The following LRGUK variants were observed in gnomAD, a reference collection of about 807,000 sequenced individuals.
LRGUK encodes the protein leucine-rich repeat and guanylate kinase domain-containing protein.
Under a neutral mutation model 76.0 loss-of-function variants are expected in LRGUK, and 65 were observed. That is an observed-to-expected ratio of 0.85 (90% CI 0.70 to 1.05). LRGUK has a LOEUF of 1.05. Ranked by LOEUF, LRGUK falls within the 50% of genes least tolerant of loss-of-function variation. LRGUK has a pLI of 0.00. For missense variants in LRGUK, 758 were observed against 732.8 expected (o/e 1.03, Z -0.40); for synonymous variants, 268 against 265.6 (o/e 1.01, Z -0.09).
At chr7:134,207,729 G>T (rs1222412) in intron 15 of LRGUK, among the ~76,000 whole-genome samples, 144,258 of 152,198 alleles carry the variant, frequency 0.95, 68,626 homozygotes, top group Non-Finnish European at 0.99. Flanking sequence ...GGTTGGAGTC[G>T]CTGAGTATCA....
intron 7 of LRGUK, among the ~76,000 whole-genome samples, chr7:134,168,860 A>G (rs887531367): frequency 1.3e-5 from 2 of 152,036 alleles, no homozygotes; most frequent in Admixed American, 1.3e-4. Context: ...CCATTCCAAC[A>G]GCAGGGTGGG....
intron 7 of LRGUK, among the ~76,000 whole-genome samples, chr7:134,164,285 G>T (rs1798878877): frequency 6.6e-6 from 1 of 152,062 alleles, no homozygotes; most frequent in South Asian, 2.1e-4. Context: ...AAATACCCTA[G>T]GAAAGGCTTA....
chr7:134,159,551 G>A (rs56704492), intron 6 of LRGUK, among the ~76,000 whole-genome samples: 19,749 of 152,158 alleles, frequency 0.13, 1,622 homozygotes, highest in East Asian at 0.32. Context: ...AGCACTTTGG[G>A]AGGCTAAGGC....
intron 10 of LRGUK, among the ~76,000 whole-genome samples, chr7:134,181,933 A>T (rs1799769604): frequency 6.6e-6 from 1 of 152,180 alleles, no homozygotes; most frequent in African/African-American, 2.4e-5. Context: ...GCACCACTAC[A>T]GTCAAGATAT....
At chr7:134,253,638 A>G (rs1193757155) in intron 18 of LRGUK, among the ~76,000 whole-genome samples, 1 of 152,156 alleles carries the variant, frequency 6.6e-6, no homozygotes, top group Non-Finnish European at 1.5e-5. Context: ...AACATGGCAA[A>G]AACCCATCTC....
intron 19 of LRGUK, among the ~76,000 whole-genome samples, chr7:134,263,275 A>C (rs936555242): frequency 7.7e-6 from 1 of 130,572 alleles, no homozygotes; most frequent in Non-Finnish European, 1.8e-5. Flanking sequence ...TTTCCTCTCT[A>C]TCTTCTAAAC....
At chr7:134,203,772 T>TGG (rs1800886807) in intron 15 of LRGUK, among the ~76,000 whole-genome samples, 1 of 152,194 alleles carries the variant, frequency 6.6e-6, no homozygotes, top group Admixed American at 6.5e-5. Context: ...TCAGAATCTC[T>TGG]GCACTGGGCG....
At chr7:134,237,439 G>A (rs2117186112) in intron 16 of LRGUK, among the ~76,000 whole-genome samples, 1 of 152,166 alleles carries the variant, frequency 6.6e-6, no homozygotes, top group South Asian at 2.1e-4. Flanking sequence ...TGGTCATTAT[G>A]ATCTTCATTT....
intron 6 of LRGUK, among the ~76,000 whole-genome samples, chr7:134,161,689 T>G (rs1166483074): frequency 1.0e-4 from 1 of 9,536 alleles, no homozygotes; most frequent in Non-Finnish European, 1.6e-4. Context: ...ATTGTTATTC[T>G]TTTTTTTTTT....
At chr7:134,195,459 T>A (rs1800438491) in intron 12 of LRGUK, among the ~76,000 whole-genome samples, 1 of 152,202 alleles carries the variant, frequency 6.6e-6, no homozygotes, top group Admixed American at 6.5e-5. Context: ...TGGAGTCAGT[T>A]AGGTTAGATC....
intron 18 of LRGUK, among the ~76,000 whole-genome samples, chr7:134,257,353 C>T (rs991919852): frequency 6.6e-6 from 1 of 152,120 alleles, no homozygotes; most frequent in African/African-American, 2.4e-5. Flanking sequence ...CAGCTGCTTG[C>T]CAGGGCTTTG....
At chr7:134,158,182 C>A in intron 6 of LRGUK, 23 bp downstream of exon 6, 1 of 1,600,184 alleles carries the variant, frequency 6.2e-7, no homozygotes, top group South Asian at 1.1e-5. Flanking sequence ...AAATGCTGTT[C>A]TTTATAGAAG....
At chr7:134,201,662 A>T in intron 15 of LRGUK, 86 bp downstream of exon 15, 1 of 904,188 alleles carries the variant, frequency 1.1e-6, no homozygotes, top group South Asian at 1.5e-5. Context: ...GGTACTCATC[A>T]CTTGGGCTAA....
At chr7:134,208,855 C>T (rs540898024) in exon 16 of LRGUK, 5 of 398,924 alleles carry the variant, frequency 1.3e-5, no homozygotes, top group South Asian at 1.3e-4. Flanking sequence ...AAAATCAGAG[C>T]GTAACTCCTG....
chr7:134,132,618 A>G (rs1484933844), intron 1 of LRGUK, among the ~76,000 whole-genome samples: 1 of 152,244 alleles, frequency 6.6e-6, no homozygotes, highest in Non-Finnish European at 1.5e-5. Flanking sequence ...TTATAGCTAA[A>G]GGAACCTGCA....
intron 4 of LRGUK, among the ~76,000 whole-genome samples, chr7:134,145,774 A>G (rs1380987382): frequency 6.6e-6 from 1 of 152,202 alleles, no homozygotes; most frequent in African/African-American, 2.4e-5. Context: ...CTTCCTTTTC[A>G]TTTAATATCT....
intron 11 of LRGUK, among the ~76,000 whole-genome samples, chr7:134,190,946 T>TAAGCAGTTCTGGGGATAGAAA (rs71172441): frequency 6.6e-6 from 1 of 151,318 alleles, no homozygotes; most frequent in African/African-American, 2.4e-5. Context: ...AGTTGAGCGG[T>TAAGCAGTTCTGGGGATAGAAA]GTGGTGGGAT....
At chr7:134,257,809 A>C (rs1802621724) in intron 18 of LRGUK, among the ~76,000 whole-genome samples, 1 of 151,866 alleles carries the variant, frequency 6.6e-6, no homozygotes, top group Non-Finnish European at 1.5e-5. Flanking sequence ...GTCTCCAAAA[A>C]CAAAAAAAAA....
At chr7:134,264,122 G>A (rs1585614628) in exon 20 of LRGUK, 2 of 685,706 alleles carry the variant, frequency 2.9e-6, no homozygotes, top group African/African-American at 1.9e-5. Context: ...CTATCAGCCA[G>A]TTTCTCTTGT....
Sources: allele counts gnomAD v4.1 joint callset (sites outside exome capture counted in the v4.1 genomes callset), GRCh38; gene constraint gnomAD v4.1.1; transcripts MANE v1.5; gene names NCBI Gene and HGNC (gene_info 2026-07-23, HGNC 2026-07-21).